The following RALY variants were observed in gnomAD, a reference collection of about 807,000 sequenced individuals.
RALY encodes the protein RNA-binding protein Raly.
In RALY, 15 loss-of-function variants were observed where a neutral mutation model predicts 30.7. The ratio of observed to expected loss-of-function variants is 0.49; its 90% confidence interval spans 0.33 to 0.75. The LOEUF is 0.75. Among genes scored for constraint, RALY ranks in the 30% least tolerant of loss-of-function variants. The pLI, the probability that RALY is intolerant of heterozygous loss-of-function variation, is 0.02. For missense variants in RALY, 339 were observed against 414.3 expected (o/e 0.82, Z 1.58); for synonymous variants, 177 against 170.8 (o/e 1.04, Z -0.28).
intron 2 of RALY, among the ~76,000 whole-genome samples, chr20:34,037,673 A>AT (rs1323912480): frequency 6.6e-6 from 1 of 152,204 alleles, no homozygotes; most frequent in African/African-American, 2.4e-5. Flanking sequence ...CACATTTCAG[A>AT]TAAGTGCTAT....
intron 8 of RALY, chr20:34,077,574 G>A (rs1014560500): frequency 3.4e-5 from 15 of 438,498 alleles, no homozygotes; most frequent in African/African-American, 2.0e-4. Flanking sequence ...AGCAGGGCTG[G>A]GGTGGCTTGT....
intron 2 of RALY, among the ~76,000 whole-genome samples, chr20:34,040,071 A>T (rs529680983): frequency 1.3e-5 from 2 of 151,982 alleles, no homozygotes; most frequent in East Asian, 3.9e-4. Flanking sequence ...AGATCCCACC[A>T]CTGCACTCCA....
At chr20:33,994,673 C>T (rs192949379) in intron 1 of RALY, among the ~76,000 whole-genome samples, 23 of 152,236 alleles carry the variant, frequency 1.5e-4, no homozygotes, top group African/African-American at 5.5e-4. Flanking sequence ...AACAACGGGC[C>T]CTCGAACTGG....
In RALY at chr20:34,081,218, G is replaced by A. The variant is rs939010365; in HGVS notation, c.*1313G>A. 1 of 152,114 alleles carries A rather than the reference G, an allele frequency of 6.6e-6. No homozygotes were observed. The highest frequency in any genetic ancestry group is 1.5e-5 in the Non-Finnish European group (1 of 68,044). 9.4% of individuals were successfully genotyped at this position (152,114 alleles called of 1,614,324 possible). A position where few individuals can be genotyped will look rare whatever the true frequency, so the allele number is the denominator to read the frequency against. On this transcript the variant is annotated 3_prime_UTR_variant, in exon 10 of 10. Transcript: ENST00000246194. ...ACCTACCCTGGTCCAGTGAACTGCG[G>A]GATTCATATGTGGCCACTTAGGCTG...
chr20:34,021,723 A>T (rs2031829110), intron 1 of RALY, among the ~76,000 whole-genome samples: 1 of 152,142 alleles, frequency 6.6e-6, no homozygotes, highest in Non-Finnish European at 1.5e-5. Context: ...TAGCTGCGTG[A>T]CCTTGGGCCA....
chr20:34,078,444 A>G (rs2033954953), intron 8 of RALY, 61 bp from the exon 9 acceptor site: 1 of 1,425,450 alleles, frequency 7.0e-7, no homozygotes, highest in Non-Finnish European at 9.4e-7. Flanking sequence ...CAAATGGCTC[A>G]GGGCAGGACT....
chr20:33,997,983 A>G (rs2030721222), intron 1 of RALY, among the ~76,000 whole-genome samples: 1 of 152,228 alleles, frequency 6.6e-6, no homozygotes, highest in African/African-American at 2.4e-5. Flanking sequence ...TGTTGAATTT[A>G]TTGAATAGAA....
In RALY at chr20:34,081,003, G is replaced by C. The variant is rs1282439123; in HGVS notation, c.*1098G>C. On this transcript the variant is annotated 3_prime_UTR_variant, in exon 10 of 10. Coordinates refer to ENST00000246194, the MANE Select transcript of RALY (RefSeq NM_016732.3). Reference sequence around the variant, plus strand: ...TCTTGGGCCACCCGTCTAGACATTTGTTCTCTAACAATCAGCCGGGTTCCT... The same window carrying C: ...TCTTGGGCCACCCGTCTAGACATTTCTTCTCTAACAATCAGCCGGGTTCCT... The C allele has an allele frequency of 6.6e-6, 1 of 152,188 alleles. No individual in the cohort carries two copies. The highest frequency in any genetic ancestry group is 1.5e-5 in the Non-Finnish European group (1 of 68,046). The allele number at this position is 152,188 out of a possible 1,614,324, so 9.4% of individuals were successfully genotyped here.
At chr20:34,077,546 C>G (rs1003863529) in intron 8 of RALY, 8 of 503,738 alleles carry the variant, frequency 1.6e-5, no homozygotes, top group Non-Finnish European at 2.8e-5. Flanking sequence ...GGAGCACACA[C>G]GGCCTGCAGA....
At chr20:34,006,675 CTTATCA>C (rs1241412605) in intron 1 of RALY, among the ~76,000 whole-genome samples, 1 of 151,974 alleles carries the variant, frequency 6.6e-6, no homozygotes, top group African/African-American at 2.4e-5. Flanking sequence ...TGCACAAATC[CTTATCA>C]TTATGTTACA....
intron 2 of RALY, among the ~76,000 whole-genome samples, chr20:34,062,389 T>C (rs2033443186): frequency 6.6e-6 from 1 of 152,266 alleles, no homozygotes; most frequent in Non-Finnish European, 1.5e-5. Flanking sequence ...TAAGCAGTCT[T>C]GATCCTGCAT....
At chr20:34,072,708 A>G (rs1283831419) in intron 3 of RALY, among the ~76,000 whole-genome samples, 1 of 152,212 alleles carries the variant, frequency 6.6e-6, no homozygotes. Flanking sequence ...GAGCACAAGG[A>G]CAGTGTGAAT....
intron 2 of RALY, among the ~76,000 whole-genome samples, chr20:34,052,910 T>C (rs571257577): frequency 2.0e-5 from 3 of 152,264 alleles, no homozygotes; most frequent in Admixed American, 6.5e-5. Context: ...ATCACAAAAT[T>C]GAGGGGGTAG....
chr20:34,026,675 G>A (rs2032054960), intron 1 of RALY, among the ~76,000 whole-genome samples: 1 of 151,678 alleles, frequency 6.6e-6, no homozygotes, highest in African/African-American at 2.4e-5. Context: ...CTCTAAACCT[G>A]AGACATTTTA....
intron 8 of RALY, 97 bp from the exon 9 acceptor site, chr20:34,078,408 C>T: frequency 2.6e-6 from 3 of 1,140,406 alleles, no homozygotes; most frequent in East Asian, 5.7e-5. Flanking sequence ...CTCTAGATGC[C>T]CTCTGGACCA....
intron 2 of RALY, among the ~76,000 whole-genome samples, chr20:34,033,994 G>T (rs2032380380): frequency 6.6e-6 from 1 of 152,172 alleles, no homozygotes; most frequent in Non-Finnish European, 1.5e-5. Context: ...TATGTGTGCT[G>T]CAGAGTGCAG....
chr20:34,027,849 C>T (rs2032101948), intron 1 of RALY, among the ~76,000 whole-genome samples: 1 of 152,222 alleles, frequency 6.6e-6, no homozygotes. Context: ...TCACCTGTTA[C>T]CACATTGATA....
chr20:34,035,179 A>AAAAAAAAAAAAAAC (rs2032446037), intron 2 of RALY, among the ~76,000 whole-genome samples: 1 of 144,868 alleles, frequency 6.9e-6, no homozygotes, highest in African/African-American at 2.7e-5. Context: ...AAAAAAAAAA[A>AAAAAAAAAAAAAAC]AAAAAAAACA....
intron 2 of RALY, among the ~76,000 whole-genome samples, chr20:34,037,681 T>A (rs2123121480): frequency 6.6e-6 from 1 of 152,334 alleles, no homozygotes; most frequent in Admixed American, 6.5e-5. Context: ...AGATAAGTGC[T>A]ATATAAAACC....
Sources: allele counts gnomAD v4.1 joint callset (sites outside exome capture counted in the v4.1 genomes callset), GRCh38; gene constraint gnomAD v4.1.1; transcripts MANE v1.5; gene names NCBI Gene and HGNC (gene_info 2026-07-23, HGNC 2026-07-21).